PIP5K1A: variants seen among roughly 807,000 people sequenced by gnomAD.
PIP5K1A encodes phosphatidylinositol-4-phosphate 5-kinase type 1 alpha.
A neutral mutation model predicts 72.9 loss-of-function variants in PIP5K1A; 46 were observed. The observed-to-expected ratio is 0.63, with a 90% CI of 0.50 to 0.81. The LOEUF (loss-of-function observed/expected upper bound fraction) is 0.81. Among genes scored for constraint, PIP5K1A ranks in the 30% least tolerant of loss-of-function variants. The pLI, the probability that PIP5K1A is intolerant of heterozygous loss-of-function variation, is 0.00. For synonymous variants in PIP5K1A, 228 were observed against 255.1 expected, an observed-to-expected ratio of 0.89 and a Z score of 1.01; for missense variants, 458 against 706.1, an observed-to-expected ratio of 0.65 and a Z score of 3.98.
chr1:151,242,703 T>G, intron 14 of PIP5K1A, 136 bp downstream of exon 14: 1 of 793,194 alleles, frequency 1.3e-6, no homozygotes, highest in Non-Finnish European at 2.0e-6. Context: ...TATCATACTT[T>G]CTGTGGGTCA....
intron 1 of PIP5K1A, among the ~76,000 whole-genome samples, chr1:151,215,378 C>A (rs1445021506): frequency 1.4e-5 from 2 of 147,298 alleles, no homozygotes; most frequent in Non-Finnish European, 3.0e-5. Context: ...TGTCATCCAG[C>A]CTGGAGTGCA....
At chr1:151,215,953 C>T in intron 1 of PIP5K1A, 1 of 1,300,648 alleles carries the variant, frequency 7.7e-7, no homozygotes, top group South Asian at 1.2e-5. Flanking sequence ...TTCTGTTTTT[C>T]CTCATTAGGT....
intron 14 of PIP5K1A, among the ~76,000 whole-genome samples, chr1:151,244,343 A>G (rs587707156): frequency 2.0e-5 from 3 of 152,312 alleles, no homozygotes; most frequent in Non-Finnish European, 2.9e-5. Flanking sequence ...ATCATAAATA[A>G]TCTAGGAATG....
intron 7 of PIP5K1A, among the ~76,000 whole-genome samples, chr1:151,233,158 C>T (rs1193127372): frequency 6.6e-6 from 1 of 151,156 alleles, no homozygotes; most frequent in South Asian, 2.1e-4. Flanking sequence ...TTTCTTTTGC[C>T]TCTCTATGGT....
At chr1:151,211,899 C>G (rs1017393806) in intron 1 of PIP5K1A, among the ~76,000 whole-genome samples, 5 of 151,486 alleles carry the variant, frequency 3.3e-5, no homozygotes, top group African/African-American at 9.7e-5. Flanking sequence ...GTCAGGAGAT[C>G]GAGACCATCC....
rs1468161114 is a variant in PIP5K1A, at chr1:151,231,659, C to T, written c.238-12C>T. The T allele has an allele frequency of 1.7e-5, 28 of 1,613,186 alleles. No homozygotes were observed. The highest frequency in any genetic ancestry group is 2.4e-5 in the Non-Finnish European group (28 of 1,179,300). ...TACTAGGAATTTTCTTCTCATTTCTCTTGTTTCTCAGACAACCTCATCAGC... is the reference window on the plus strand; with the variant it reads ...TACTAGGAATTTTCTTCTCATTTCTTTTGTTTCTCAGACAACCTCATCAGC... On this transcript the variant is annotated splice_polypyrimidine_tract_variant and intron_variant, in intron 4 of 15. Coordinates refer to ENST00000368888, the MANE Select transcript of PIP5K1A (RefSeq NM_001135638.2).
intron 9 of PIP5K1A, among the ~76,000 whole-genome samples, chr1:151,237,659 G>T (rs1691082054): frequency 6.6e-6 from 1 of 150,500 alleles, no homozygotes; most frequent in Non-Finnish European, 1.5e-5. Context: ...GGGACCCTGT[G>T]TCAAAAAAAA....
Position 151,239,133 on chromosome 1 carries a change from T to C in PIP5K1A, c.1233T>C (p.Phe411=). Residue 411 remains phenylalanine, a synonymous_variant, in exon 11 of 16, where the codon TTT becomes TTC. Coordinates refer to ENST00000368888, the MANE Select transcript of PIP5K1A (RefSeq NM_001135638.2). The part of the protein sequence containing the change: ...GIIDILQSYR[F]VKKLEHSWKA... ...GTGATGTACATTTTTCTTGCAGGTT[T>C]GTTAAGAAGTTGGAGCACTCTTGGA... 6.2e-7 allele frequency: 1 copy of C among 1,609,822 alleles called. No homozygotes were observed. Among genetic ancestry groups the C allele is most frequent in the Non-Finnish European group, 8.5e-7 (1 of 1,176,250 alleles).
chr1:151,221,471 C>T (rs1004862352), intron 1 of PIP5K1A, among the ~76,000 whole-genome samples: 2 of 152,130 alleles, frequency 1.3e-5, no homozygotes, highest in African/African-American at 4.8e-5. Context: ...TCTTATAGTA[C>T]GTGCCACACT....
In PIP5K1A at chr1:151,248,453, CAG is replaced by C. The variant is rs2101805130; in HGVS notation, c.*590_*591del. The C allele has an allele frequency of 6.6e-6, 1 of 152,296 alleles. No homozygotes were observed. The highest frequency in any genetic ancestry group is 1.9e-4 in the East Asian group (1 of 5,170). 9.4% of individuals were successfully genotyped at this position (152,296 alleles called of 1,614,324 possible). On this transcript the variant is annotated 3_prime_UTR_variant, in exon 16 of 16. Coordinates refer to ENST00000368888, the MANE Select transcript of PIP5K1A (RefSeq NM_001135638.2). ...ACACAATTTCAAGCCATTTTCAGAT[CAG>C]AACTCCAGAAGTGTTGACAAGATGC...
chr1:151,234,549 G>A, intron 8 of PIP5K1A, 53 bp downstream of exon 8: 1 of 1,423,140 alleles, frequency 7.0e-7, no homozygotes, highest in Non-Finnish European at 9.9e-7. Context: ...CAGCTTGATT[G>A]TTCTTAGGCA....
At position 151,249,103 on chromosome 1, in the gene PIP5K1A, CAG is replaced by C. The variant is rs1295301590; in HGVS notation, c.*1239_*1240del. 1 of 152,168 alleles carries C rather than the reference CAG, an allele frequency of 6.6e-6. No homozygotes were observed. The highest frequency in any genetic ancestry group is 1.9e-4 in the East Asian group (1 of 5,200). 9.4% of individuals were successfully genotyped at this position (152,168 alleles called of 1,614,324 possible). A position where few individuals can be genotyped will look rare whatever the true frequency, so the allele number is the denominator to read the frequency against. On this transcript the variant is annotated 3_prime_UTR_variant, in exon 16 of 16. Coordinates refer to ENST00000368888, the MANE Select transcript of PIP5K1A (RefSeq NM_001135638.2). ...TTCCATCTGATCCTTCCACTCTTGTCAGGGGAAGAAGGGGGCCTGGTATCTCA... is the reference window on the plus strand; with the variant it reads ...TTCCATCTGATCCTTCCACTCTTGTCGGGAAGAAGGGGGCCTGGTATCTCA...
chr1:151,217,727 A>G (rs1253875723), intron 1 of PIP5K1A, among the ~76,000 whole-genome samples: 1 of 151,804 alleles, frequency 6.6e-6, no homozygotes, highest in East Asian at 1.9e-4. Context: ...GACTACAGAC[A>G]CCACCATGTC....
At position 151,232,602 on chromosome 1, in the gene PIP5K1A, G is replaced by T; in HGVS notation, c.538G>T (p.Gly180Cys). 6.2e-7 allele frequency: 1 copy of T among 1,610,312 alleles called. No homozygotes were observed. The highest frequency in any genetic ancestry group is 8.5e-7 in the Non-Finnish European group (1 of 1,179,038). ...TGAACTCTGTAGCTCTGGAGCTAGT[G>T]GTTCCCTATTCTATGTGTCCAGCGA... ...LIELCSSGAS[G>C]SLFYVSSDDE... The change falls in exon 7 of 16, where the codon GGT becomes TGT. Residue 180 changes from glycine (G) to cysteine (C), a missense_variant. Gly to Cys is a radical substitution (Grantham distance 159). Transcript: ENST00000368888.
chr1:151,245,189 G>A (rs1692319861), intron 14 of PIP5K1A, among the ~76,000 whole-genome samples: 2 of 152,098 alleles, frequency 1.3e-5, no homozygotes, highest in Admixed American at 1.3e-4. Context: ...AGAAAACCAG[G>A]TGGCACCTTC....
At position 151,249,391 on chromosome 1, in the gene PIP5K1A, G is replaced by C. The variant is rs932167475; in HGVS notation, c.*1526G>C. ...GGAGGGAATATTTGAGGGAGGGCTG[G>C]GTCTTAGGGAAAGGAATGGGGAAGC... On this transcript the variant is annotated 3_prime_UTR_variant, in exon 16 of 16. Transcript: ENST00000368888. 4.6e-5 allele frequency: 7 copies of C among 151,914 alleles called. No individual in the cohort carries two copies. The highest frequency in any genetic ancestry group is 1.7e-4 in the African/African-American group (7 of 41,320). The allele number at this position is 151,914 out of a possible 1,614,324, so 9.4% of individuals were successfully genotyped here. A position where few individuals can be genotyped will look rare whatever the true frequency, so the allele number is the denominator to read the frequency against.
In PIP5K1A at chr1:151,249,005, CT is replaced by C. The variant is rs937828334; in HGVS notation, c.*1141del. 1 of 152,368 alleles carries C rather than the reference CT, an allele frequency of 6.6e-6. No homozygotes were observed. The highest frequency in any genetic ancestry group is 2.4e-5 in the African/African-American group (1 of 41,568). The allele number at this position is 152,368 out of a possible 1,614,324, so 9.4% of individuals were successfully genotyped here. ...TTGCTGTGCCATATGTCCTACCCCCCTGTCTTCATGCAGGGAAGTTGGAAAT... is the reference window on the plus strand; with the variant it reads ...TTGCTGTGCCATATGTCCTACCCCCCGTCTTCATGCAGGGAAGTTGGAAAT... On this transcript the variant is annotated 3_prime_UTR_variant, in exon 16 of 16. Coordinates refer to ENST00000368888, the MANE Select transcript of PIP5K1A (RefSeq NM_001135638.2).
At chr1:151,201,341 T>C (rs1685188893) in intron 1 of PIP5K1A, among the ~76,000 whole-genome samples, 1 of 151,578 alleles carries the variant, frequency 6.6e-6, no homozygotes, top group Non-Finnish European at 1.5e-5. Flanking sequence ...ATACAGATTG[T>C]ATAAATGTTT....
intron 3 of PIP5K1A, 24 bp from the exon 4 acceptor site, chr1:151,227,296 T>TA (rs1164088629): frequency 6.7e-7 from 1 of 1,494,020 alleles, no homozygotes; most frequent in South Asian, 1.1e-5. Context: ...GGGAATTGTA[T>TA]TATAATCTTG....
Sources: gnomAD v4.1 joint callset for allele counts (sites outside exome capture counted in the v4.1 genomes callset) on GRCh38, gnomAD v4.1.1 for gene constraint, MANE v1.5 for transcripts, NCBI Gene and HGNC (gene_info 2026-07-23, HGNC 2026-07-21) for gene names.